The following TNNI3K variants were observed in gnomAD, a reference collection of about 807,000 sequenced individuals.
TNNI3K encodes the protein serine/threonine-protein kinase TNNI3K.
A neutral mutation model predicts 114.5 loss-of-function variants in TNNI3K; 140 were observed. The ratio of observed to expected loss-of-function variants is 1.22; its 90% confidence interval spans 1.07 to 1.41. TNNI3K has a LOEUF of 1.41. Ranked by LOEUF, TNNI3K falls within the 40% of genes most tolerant of loss-of-function variation. TNNI3K has a pLI of 0.00. For synonymous variants in TNNI3K, 347 were observed against 347.5 expected, an observed-to-expected ratio of 1.00 and a Z score of 0.02; for missense variants, 1,125 against 1,007.6, an observed-to-expected ratio of 1.12 and a Z score of -1.58.
chr1:74,449,359 T>C (rs1434520416), intron 20 of TNNI3K, among the ~76,000 whole-genome samples: 1 of 151,632 alleles, frequency 6.6e-6, no homozygotes, highest in African/African-American at 2.4e-5. Flanking sequence ...TCTCTTTTTT[T>C]CTTTATTAGT....
chr1:74,399,013 A>G (rs1447896046), intron 17 of TNNI3K, among the ~76,000 whole-genome samples: 1 of 151,708 alleles, frequency 6.6e-6, no homozygotes, highest in Non-Finnish European at 1.5e-5. Flanking sequence ...AAAATTAGCC[A>G]GGCATGGTGG....
chr1:74,492,773 C>T (rs1288381108), intron 23 of TNNI3K, among the ~76,000 whole-genome samples: 1 of 152,134 alleles, frequency 6.6e-6, no homozygotes, highest in East Asian at 1.9e-4. Flanking sequence ...CCCAAAAGTC[C>T]ATCAACCAAT....
intron 17 of TNNI3K, among the ~76,000 whole-genome samples, chr1:74,391,961 T>TA (rs1557539073): frequency 3.8e-4 from 49 of 130,294 alleles, no homozygotes; most frequent in African/African-American, 1.4e-3. Flanking sequence ...CTTATTATTT[T>TA]TTTTTTTTTT....
intron 17 of TNNI3K, chr1:74,378,608 A>T (rs1195227210): frequency 6.0e-5 from 4 of 66,276 alleles, no homozygotes; most frequent in Admixed American, 2.8e-4. Flanking sequence ...ATATATATAT[A>T]TATATATATA....
chr1:74,390,574 A>G (rs1663712450), intron 17 of TNNI3K, among the ~76,000 whole-genome samples: 1 of 152,092 alleles, frequency 6.6e-6, no homozygotes, highest in South Asian at 2.1e-4. Flanking sequence ...TTGTGCACCT[A>G]CTATCTACCA....
chr1:74,398,447 G>A (rs1049992347), intron 17 of TNNI3K, among the ~76,000 whole-genome samples: 2 of 152,268 alleles, frequency 1.3e-5, no homozygotes, highest in East Asian at 1.9e-4. Flanking sequence ...GGGGTTGTGC[G>A]ACCTGCCAGA....
chr1:74,472,938 G>A (rs1015158590), intron 21 of TNNI3K, among the ~76,000 whole-genome samples: 49 of 152,024 alleles, frequency 3.2e-4, no homozygotes, highest in African/African-American at 8.2e-4. Context: ...ATTTACTAAA[G>A]GAAAATAGTA....
At chr1:74,383,517 A>G (rs1341643590) in intron 17 of TNNI3K, among the ~76,000 whole-genome samples, 2 of 152,086 alleles carry the variant, frequency 1.3e-5, no homozygotes, top group Admixed American at 1.3e-4. Context: ...TGCTTCTTGC[A>G]GGAAGCCCTC....
At chr1:74,333,410 A>G (rs1314784888) in intron 6 of TNNI3K, among the ~76,000 whole-genome samples, 1 of 152,234 alleles carries the variant, frequency 6.6e-6, no homozygotes, top group African/African-American at 2.4e-5. Context: ...TCAGGCACAG[A>G]CAGGATATAT....
intron 18 of TNNI3K, 111 bp downstream of exon 18, chr1:74,436,243 C>T (rs1385934988): frequency 3.7e-6 from 5 of 1,364,678 alleles, no homozygotes; most frequent in African/African-American, 1.5e-5. Context: ...CTATACTACA[C>T]TGAACACTGA....
chr1:74,492,209 G>T lies in TNNI3K; in HGVS notation c.2294G>T (p.Ser765Ile). The T allele has an allele frequency of 6.2e-7, 1 of 1,612,978 alleles. No individual in the cohort carries two copies. Among genetic ancestry groups the T allele is most frequent in the East Asian group, 2.2e-5 (1 of 44,870 alleles). The change falls in exon 23 of 25, where the codon AGT becomes ATT. Residue 765 changes from serine (S) to isoleucine (I), a missense_variant. By Grantham distance (142) the Ser-to-Ile change is moderately radical. Transcript: ENST00000326637. ...CGGAGTCATGTGGCAGCATTAAGAA[G>T]TCGTTTCGAATTGGAATATGCTCTA... is the stretch of plus-strand genomic sequence containing the variant. Reference protein sequence around the residue: ...PGRSHVAALRSRFELEYALNA... With the variant: ...PGRSHVAALRIRFELEYALNA...
intron 20 of TNNI3K, among the ~76,000 whole-genome samples, chr1:74,440,788 A>G (rs1666345252): frequency 6.6e-6 from 1 of 152,122 alleles, no homozygotes; most frequent in African/African-American, 2.4e-5. Flanking sequence ...CAACATTGCC[A>G]TTTGTAAGGT....
intron 21 of TNNI3K, among the ~76,000 whole-genome samples, chr1:74,476,060 A>G (rs1394885050): frequency 6.6e-5 from 10 of 152,114 alleles, no homozygotes; most frequent in Non-Finnish European, 7.4e-5. Context: ...TCTTTGGTAG[A>G]AAAAAAGGCT....
chr1:74,296,224 G>A (rs1225360410), intron 5 of TNNI3K, among the ~76,000 whole-genome samples: 2 of 151,516 alleles, frequency 1.3e-5, no homozygotes, highest in Admixed American at 1.3e-4. Context: ...TGCAGTGAGC[G>A]GAGATCGCGC....
intron 2 of TNNI3K, among the ~76,000 whole-genome samples, chr1:74,248,289 C>A (rs1654712500): frequency 6.6e-6 from 1 of 152,048 alleles, no homozygotes; most frequent in Non-Finnish European, 1.5e-5. Context: ...CCACTCCACT[C>A]CCTCCACACC....
intron 21 of TNNI3K, chr1:74,472,346 C>G: frequency 3.4e-6 from 2 of 590,680 alleles, no homozygotes; most frequent in Non-Finnish European, 6.0e-6. Context: ...TGTAACCAAA[C>G]CTACAAAGGA....
At chr1:74,477,953 A>G (rs891822512) in intron 21 of TNNI3K, among the ~76,000 whole-genome samples, 33 of 152,206 alleles carry the variant, frequency 2.2e-4, no homozygotes, top group African/African-American at 8.0e-4. Context: ...TTTATCTACC[A>G]GTTCATAGTG....
chr1:74,243,197 T>C (rs1654355156), intron 2 of TNNI3K, among the ~76,000 whole-genome samples: 1 of 152,210 alleles, frequency 6.6e-6, no homozygotes, highest in Admixed American at 6.5e-5. Context: ...ATTGTATGAA[T>C]GGCTGAATAA....
Position 74,350,646 on chromosome 1 carries a change from G to A in TNNI3K, c.933-2620G>A, listed in dbSNP as rs1276212734. Among the ~76,000 whole-genome samples, 4 of 152,080 alleles carry A rather than the reference G, an allele frequency of 2.6e-5. No individual in the cohort carries two copies. The East Asian group carries it at 7.8e-4, about 30-fold the overall frequency. The stretch of plus-strand genomic sequence containing the variant: ...AAGGACTTGCTTTATGAATCTGGGT[G>A]CTCCTGTACTGGGTGCATATATATT... On this transcript the variant is annotated intron_variant, in intron 9 of 24. Transcript: ENST00000326637.
Sources: allele counts gnomAD v4.1 joint callset (sites outside exome capture counted in the v4.1 genomes callset), GRCh38; gene constraint gnomAD v4.1.1; transcripts MANE v1.5; gene names NCBI Gene and HGNC (gene_info 2026-07-23, HGNC 2026-07-21).